The following PCDHA9 variants were observed in gnomAD, a reference collection of about 807,000 sequenced individuals.
PCDHA9 encodes protocadherin alpha-9.
PCDHA9 carries 62 observed loss-of-function variants against 62.0 expected under a neutral mutation model. The ratio of observed to expected loss-of-function variants is 1.00; its 90% CI spans 0.81 to 1.23. The LOEUF is 1.23. Ranked by LOEUF, PCDHA9 falls within the 50% of genes most tolerant of loss-of-function variation. PCDHA9 has a pLI of 0.00. For synonymous variants in PCDHA9, 557 were observed against 567.6 expected, an observed-to-expected ratio of 0.98 and a Z score of 0.27; for missense variants, 1,205 against 1,249.8, an observed-to-expected ratio of 0.96 and a Z score of 0.54.
At chr5:140,860,167 A>G (rs924380316) in intron 1 of PCDHA9, 2 of 149,440 alleles carry the variant, frequency 1.3e-5, no homozygotes, top group Non-Finnish European at 3.0e-5. Flanking sequence ...ATATATATGT[A>G]TATATATATG....
chr5:140,907,812 C>T (rs888159954), intron 1 of PCDHA9, among the ~76,000 whole-genome samples: 17 of 152,192 alleles, frequency 1.1e-4, no homozygotes, highest in Admixed American at 2.6e-4. Flanking sequence ...GTCCACAGAA[C>T]GAGTCATCCT....
chr5:140,874,215 G>A (rs2054781939), intron 1 of PCDHA9, among the ~76,000 whole-genome samples: 1 of 152,180 alleles, frequency 6.6e-6, no homozygotes, highest in Non-Finnish European at 1.5e-5. Context: ...ATTATTATAT[G>A]CAGTAGGAAT....
intron 1 of PCDHA9, chr5:140,968,442 T>G (rs1245424149): frequency 3.1e-6 from 5 of 1,613,950 alleles, no homozygotes; most frequent in Non-Finnish European, 4.2e-6. Context: ...AGCCCACCAC[T>G]GAGCAGCACT....
At position 140,927,806 on chromosome 5, in the gene PCDHA9, T is replaced by C. The variant is rs1554205074; in HGVS notation, c.2395-51143T>C. 4 of 1,614,004 alleles carry C rather than the reference T, an allele frequency of 2.5e-6. No individual in the cohort carries two copies. In the African/African-American group the frequency reaches 5.3e-5, roughly 22 times the overall value. On this transcript the variant is annotated intron_variant, in intron 1 of 3. Transcript: ENST00000532602. ...GCTTCACTAGGTCCGCCTGAAACGC[T>C]CTTGGAGGCATACATTGAGGCGAGG...
intron 1 of PCDHA9, chr5:140,928,636 A>G: frequency 6.2e-7 from 1 of 1,614,206 alleles, no homozygotes; most frequent in Non-Finnish European, 8.5e-7. Context: ...CTTGGTCACA[A>G]AAGTGGTAGC....
chr5:140,850,473 A>T lies in PCDHA9; in HGVS notation c.1978A>T (p.Thr660Ser), dbSNP rs1320071862. 8.8e-6 allele frequency: 14 copies of T among 1,597,572 alleles called. 1 individual carries two copies. The highest frequency in any genetic ancestry group is 1.2e-5 in the Non-Finnish European group (14 of 1,167,568). Residue 660 changes from threonine to serine, a missense_variant, in exon 1 of 4, where the codon ACG (threonine) becomes TCG (serine). Thr to Ser is a moderately conservative substitution (Grantham distance 58). Around this residue, in one of 3 missense-constraint regions of PCDHA9, gnomAD observed 887 missense variants for 809.5 expected, o/e 1.10. Transcript: ENST00000532602. ...LVKDHGEPAL[T>S]ATATVLVSLV... is the part of the protein sequence containing the mutation. ...GAAAGACCACGGGGAGCCAGCGCTGACGGCCACGGCCACTGTGCTGGTGTC... is the reference window on the plus strand; with the variant it reads ...GAAAGACCACGGGGAGCCAGCGCTGTCGGCCACGGCCACTGTGCTGGTGTC...
intron 1 of PCDHA9, among the ~76,000 whole-genome samples, chr5:140,890,087 A>G (rs1284769572): frequency 6.6e-6 from 1 of 152,170 alleles, no homozygotes; most frequent in African/African-American, 2.4e-5. Context: ...TGATAATGCA[A>G]ATTTATTCCC....
chr5:140,867,997 T>C (rs2050231431), intron 1 of PCDHA9: 1 of 152,144 alleles, frequency 6.6e-6, no homozygotes. Flanking sequence ...TTCATGAATA[T>C]AACTGAATTA....
In PCDHA9 at chr5:141,011,725, TGCAA is replaced by T. The variant is rs1283017882; in HGVS notation, c.*1792_*1795del. 6.5e-6 allele frequency: 1 copy of T among 153,742 alleles called. No individual in the cohort carries two copies. The highest frequency in any genetic ancestry group is 1.5e-5 in the Non-Finnish European group (1 of 68,032). The allele number at this position is 153,742 out of a possible 1,614,324, so 9.5% of individuals were successfully genotyped here. ...ATACTGACAATATTCCATGAGGGTG[TGCAA>T]GCACAAATTTTACCAATCTGACCTC... On this transcript the variant is annotated 3_prime_UTR_variant, in exon 4 of 4. Coordinates refer to ENST00000532602, the MANE Select transcript of PCDHA9 (RefSeq NM_031857.2).
intron 1 of PCDHA9, among the ~76,000 whole-genome samples, chr5:140,959,712 T>A (rs166567): frequency 0.25 from 37,822 of 152,086 alleles, 5,932 homozygotes; most frequent in African/African-American, 0.45. Flanking sequence ...AAAGGGAAAA[T>A]TTTTAGATAA....
At chr5:140,967,219 C>G in intron 1 of PCDHA9, 1 of 1,613,772 alleles carries the variant, frequency 6.2e-7, no homozygotes, top group Non-Finnish European at 8.5e-7. Flanking sequence ...TCCCGCGGCC[C>G]AACTACCAGC....
chr5:140,877,285 G>T lies in PCDHA9; in HGVS notation c.2394+26396G>T, dbSNP rs76220347. 4.6e-3 allele frequency: 7,403 copies of T among 1,613,898 alleles called. 23 individuals carry two copies. Among genetic ancestry groups the T allele is most frequent in the Middle Eastern group, 7.1e-3 (43 of 6,038 alleles). ...GGTGGACGCTGACTCCGGCTATAAC[G>T]CTTGGCTGTCCTACGAGTTGCAACC... On this transcript the variant is annotated intron_variant, in intron 1 of 3. Coordinates refer to ENST00000532602, the MANE Select transcript of PCDHA9 (RefSeq NM_031857.2).
chr5:140,967,628 T>C (rs1341456967), intron 1 of PCDHA9: 3 of 1,613,984 alleles, frequency 1.9e-6, no homozygotes, highest in Non-Finnish European at 2.5e-6. Context: ...GGATGAGGGC[T>C]CCAATGGTGA....
chr5:140,986,413 C>G (rs2097199513), intron 3 of PCDHA9, among the ~76,000 whole-genome samples: 1 of 152,156 alleles, frequency 6.6e-6, no homozygotes, highest in African/African-American at 2.4e-5. Context: ...TGTTACAGCT[C>G]TTTTTAACTT....
intron 1 of PCDHA9, among the ~76,000 whole-genome samples, chr5:140,975,576 C>G (rs1170899911): frequency 6.6e-6 from 1 of 152,208 alleles, no homozygotes; most frequent in Non-Finnish European, 1.5e-5. Flanking sequence ...TATATGCAGT[C>G]TCATGTCCCA....
chr5:140,926,034 G>A (rs782564671), intron 1 of PCDHA9, among the ~76,000 whole-genome samples: 1 of 152,158 alleles, frequency 6.6e-6, no homozygotes, highest in Non-Finnish European at 1.5e-5. Context: ...GTTTGATGCG[G>A]ACACTATTCC....
At chr5:140,960,841 T>C (rs1554225062) in intron 1 of PCDHA9, among the ~76,000 whole-genome samples, 1 of 152,222 alleles carries the variant, frequency 6.6e-6, no homozygotes, top group African/African-American at 2.4e-5. Context: ...GGAACAGGTT[T>C]AATGGCAACT....
intron 1 of PCDHA9, among the ~76,000 whole-genome samples, chr5:140,908,451 A>T (rs2073980523): frequency 6.6e-6 from 1 of 152,170 alleles, no homozygotes; most frequent in African/African-American, 2.4e-5. Context: ...TTATGGCTAG[A>T]TGGATCAGAA....
chr5:140,987,012 G>A (rs2097222470), intron 3 of PCDHA9, among the ~76,000 whole-genome samples: 1 of 151,994 alleles, frequency 6.6e-6, no homozygotes. Context: ...TCATGAGTTC[G>A]AGACCAGCCT....
Sources: allele counts gnomAD v4.1 joint callset (sites outside exome capture counted in the v4.1 genomes callset), GRCh38; gene constraint gnomAD v4.1.1; regional missense constraint gnomAD v4.1.1; transcripts MANE v1.5; gene names NCBI Gene and HGNC (gene_info 2026-07-23, HGNC 2026-07-21).